Variants in AHCYL2 observed in about 807,000 individuals in gnomAD.
The protein encoded by AHCYL2 is adenosylhomocysteinase like 2.
Under a neutral mutation model 81.4 loss-of-function variants are expected in AHCYL2, and 28 were observed. That is an observed-to-expected ratio of 0.34 (90% CI 0.25 to 0.47). The LOEUF (loss-of-function observed/expected upper bound fraction) is 0.47, where lower values mean the gene tolerates loss of function less well. Among genes scored for constraint, AHCYL2 ranks in the 20% least tolerant of loss-of-function variants. AHCYL2 has a pLI of 1.00. For missense variants in AHCYL2, 551 were observed against 785.1 expected, an observed-to-expected ratio of 0.70 and a Z score of 3.56; for synonymous variants, 272 against 290.2, an observed-to-expected ratio of 0.94 and a Z score of 0.64.
intron 1 of AHCYL2, among the ~76,000 whole-genome samples, chr7:129,310,863 A>G (rs1456936135): frequency 1.3e-5 from 2 of 152,082 alleles, no homozygotes; most frequent in Admixed American, 1.3e-4. Flanking sequence ...TAATTCTAGC[A>G]CTTTGGGAGG....
intron 1 of AHCYL2, among the ~76,000 whole-genome samples, chr7:129,273,452 C>G (rs1056314659): frequency 6.6e-6 from 1 of 150,516 alleles, no homozygotes; most frequent in Middle Eastern, 3.4e-3. Flanking sequence ...CCTCAACCTC[C>G]CTAGTATCTG....
At chr7:129,393,126 T>C (rs141617272) in intron 4 of AHCYL2, among the ~76,000 whole-genome samples, 17 of 152,312 alleles carry the variant, frequency 1.1e-4, no homozygotes, top group African/African-American at 3.8e-4. Flanking sequence ...ATAATTAATA[T>C]GTTTTTTGGG....
intron 6 of AHCYL2, among the ~76,000 whole-genome samples, chr7:129,402,017 A>T (rs1796060665): frequency 6.6e-6 from 1 of 152,224 alleles, no homozygotes; most frequent in Admixed American, 6.5e-5. Flanking sequence ...GGCAGCATTC[A>T]TTAAGTAAAT....
chr7:129,257,600 A>T (rs1295129796), intron 1 of AHCYL2, among the ~76,000 whole-genome samples: 1 of 152,202 alleles, frequency 6.6e-6, no homozygotes, highest in East Asian at 1.9e-4. Flanking sequence ...ATTATGCATT[A>T]TGTATACCTT....
rs143575958 is a variant in AHCYL2 at position 129,332,665 on chromosome 7, A to G, written c.364-46973A>G. ...CCTTTCTCCCAATTCCTTTTTATTA[A>G]GAGTCTTTTAACCTGGATGAACATA... On this transcript the variant is annotated intron_variant, in intron 1 of 16. Transcript: ENST00000325006. 5.5e-3 allele frequency among the ~76,000 whole-genome samples: 844 copies of G among 152,304 alleles called. 11 individuals are homozygous for G. Among genetic ancestry groups the G allele is most frequent in the African/African-American group, 0.02 (814 of 41,558 alleles).
chr7:129,399,174 C>A (rs762391772), intron 5 of AHCYL2, among the ~76,000 whole-genome samples: 5 of 138,454 alleles, frequency 3.6e-5, no homozygotes, highest in African/African-American at 5.5e-5. Context: ...AGAGGCCAGG[C>A]GCGGTGGCTC....
chr7:129,406,528 T>C lies in AHCYL2; in HGVS notation c.1295+62T>C. 6.8e-7 allele frequency: 1 copy of C among 1,479,548 alleles called. No individual in the cohort carries two copies. 91.7% of individuals were successfully genotyped at this position (1,479,548 alleles called of 1,614,324 possible). A position where few individuals can be genotyped will look rare whatever the true frequency, so the allele number is the denominator to read the frequency against. ...GAGCTGTCTCCAAAGAATGGCCTGG[T>C]TGATGCCACACTTTATTTTAGAGGA... On this transcript the variant is annotated intron_variant, in intron 10 of 16. Coordinates refer to ENST00000325006, the MANE Select transcript of AHCYL2 (RefSeq NM_015328.4). This position sits in a 1 kb window ranked among gnomAD's most constrained non-coding sequence, Gnocchi z 4.3.
chr7:129,351,667 A>C (rs2150830852), intron 1 of AHCYL2: 1 of 152,324 alleles, frequency 6.6e-6, no homozygotes, highest in South Asian at 2.1e-4. Flanking sequence ...TGCAGGTAAA[A>C]AAACATTCAT....
At chr7:129,293,334 A>G (rs147170767) in intron 1 of AHCYL2, among the ~76,000 whole-genome samples, 2,300 of 152,272 alleles carry the variant, frequency 0.015, 37 homozygotes, top group Non-Finnish European at 0.02. Flanking sequence ...AAAGTTATAT[A>G]CAAATATATG....
intron 1 of AHCYL2, among the ~76,000 whole-genome samples, chr7:129,236,208 AT>A (rs879491714): frequency 8.0e-4 from 114 of 143,350 alleles, no homozygotes; most frequent in African/African-American, 1.8e-3. Flanking sequence ...TTTAATTTTA[AT>A]TTTTTTTTTT....
At chr7:129,264,351 G>A (rs560506175) in intron 1 of AHCYL2, among the ~76,000 whole-genome samples, 6 of 152,196 alleles carry the variant, frequency 3.9e-5, no homozygotes, top group Non-Finnish European at 8.8e-5. Flanking sequence ...TGAGTTTGAG[G>A]TGTCTGTGGA....
intron 15 of AHCYL2, among the ~76,000 whole-genome samples, chr7:129,425,694 T>C (rs1241782674): frequency 6.6e-6 from 1 of 152,238 alleles, no homozygotes. Flanking sequence ...GCACCTGAAC[T>C]GATACAGTGT....
chr7:129,349,468 C>CAAAA lies in AHCYL2; in HGVS notation c.364-30153_364-30150dup, dbSNP rs56205996. On this transcript the variant is annotated intron_variant, in intron 1 of 16. Transcript: ENST00000325006. The stretch of plus-strand genomic sequence containing the variant: ...CAACATGGTGAAACCCCATCTCTAC[C>CAAAA]AAAAAAAAAAAAAAAAAAAACCCAC... 4.0e-4 allele frequency among the ~76,000 whole-genome samples: 39 copies of CAAAA among 98,444 alleles called. 3 individuals are homozygous for CAAAA. The highest frequency in any genetic ancestry group is 6.3e-4 in the African/African-American group (16 of 25,512). The allele number at this position is 98,444 out of a possible 152,430, so 64.6% of individuals were successfully genotyped here.
intron 2 of AHCYL2, among the ~76,000 whole-genome samples, chr7:129,385,674 A>G (rs1795169776): frequency 6.6e-6 from 1 of 152,186 alleles, no homozygotes; most frequent in African/African-American, 2.4e-5. Context: ...GGAAAGAGGG[A>G]ATCTGTTACA....
intron 12 of AHCYL2, among the ~76,000 whole-genome samples, chr7:129,414,126 G>T (rs2150954333): frequency 6.6e-6 from 1 of 152,304 alleles, no homozygotes; most frequent in Admixed American, 6.5e-5. Flanking sequence ...TATGGGCTGG[G>T]ATGATTATGT....
intron 1 of AHCYL2, among the ~76,000 whole-genome samples, chr7:129,288,685 G>T (rs1796727270): frequency 6.6e-6 from 1 of 152,126 alleles, no homozygotes; most frequent in Admixed American, 6.5e-5. Flanking sequence ...AGAGTGCTCA[G>T]ACTTCTTCAT....
chr7:129,295,534 T>G (rs938141140), intron 1 of AHCYL2, among the ~76,000 whole-genome samples: 13 of 152,180 alleles, frequency 8.5e-5, no homozygotes, highest in African/African-American at 2.7e-4. Context: ...CCCCATCTAG[T>G]CATTATTTGG....
At chr7:129,263,958 A>T (rs1479179689) in intron 1 of AHCYL2, among the ~76,000 whole-genome samples, 1 of 152,228 alleles carries the variant, frequency 6.6e-6, no homozygotes, top group African/African-American at 2.4e-5. Flanking sequence ...ATTTGAGTAG[A>T]TGGTGGTGCC....
Position 129,406,304 on chromosome 7 carries a change from C to A in AHCYL2, c.1207-74C>A. On this transcript the variant is annotated intron_variant, in intron 9 of 16. Coordinates refer to ENST00000325006, the MANE Select transcript of AHCYL2 (RefSeq NM_015328.4). This position sits in a 1 kb window ranked among gnomAD's most constrained non-coding sequence, Gnocchi z 4.3. ...CTCTCGGGGGTGGAAAGAGGGGGTG[C>A]ACTTTACCAGAAGCTTTGAGAAATG... 2 of 1,342,516 alleles carry A rather than the reference C, an allele frequency of 1.5e-6. No individual in the cohort carries two copies. Among genetic ancestry groups the A allele is most frequent in the African/African-American group, 2.9e-5 (2 of 69,410 alleles). 83.2% of individuals were successfully genotyped at this position (1,342,516 alleles called of 1,614,324 possible).
Sources: allele counts gnomAD v4.1 joint callset (sites outside exome capture counted in the v4.1 genomes callset), GRCh38; gene constraint gnomAD v4.1.1; non-coding constraint Gnocchi (gnomAD v3.1); transcripts MANE v1.5; gene names NCBI Gene and HGNC (gene_info 2026-07-23, HGNC 2026-07-21).